CLIP2: variants seen among roughly 807,000 people sequenced by gnomAD.
The protein encoded by CLIP2 is CAP-Gly domain containing linker protein 2.
A neutral mutation model predicts 111.7 loss-of-function variants in CLIP2; 41 were observed. The observed-to-expected ratio is 0.37, with a 90% confidence interval of 0.29 to 0.48. The LOEUF (loss-of-function observed/expected upper bound fraction) is 0.48. Ranked by LOEUF, CLIP2 falls within the 20% of genes least tolerant of loss-of-function variation. The pLI, the probability that CLIP2 is intolerant of heterozygous loss-of-function variation, is 0.99. For synonymous variants in CLIP2, 660 were observed against 644.2 expected (o/e 1.02, Z -0.37); for missense variants, 1,160 against 1,422.1 (o/e 0.82, Z 2.96).
intron 7 of CLIP2, among the ~76,000 whole-genome samples, chr7:74,361,325 C>A (rs1790327643): frequency 6.6e-6 from 1 of 150,760 alleles, no homozygotes. Context: ...TCAAGCAATT[C>A]TCCTCCCTCA....
intron 3 of CLIP2, among the ~76,000 whole-genome samples, chr7:74,353,466 G>A (rs939637875): frequency 2.0e-5 from 3 of 152,104 alleles, no homozygotes; most frequent in Non-Finnish European, 4.4e-5. Flanking sequence ...GGGCAGGCTG[G>A]TCTTGAACTC....
intron 13 of CLIP2, among the ~76,000 whole-genome samples, chr7:74,390,099 AAAAGAAAG>A (rs782212797): frequency 1.4e-5 from 2 of 146,676 alleles, no homozygotes; most frequent in South Asian, 2.1e-4. Context: ...TTAAAAAAAA[AAAAGAAAG>A]AAAGAAAGAA....
chr7:74,366,928 A>G (rs1470657481), intron 8 of CLIP2, among the ~76,000 whole-genome samples: 2 of 149,874 alleles, frequency 1.3e-5, no homozygotes, highest in African/African-American at 2.4e-5. Context: ...TGGAGAATCT[A>G]TTCCAATCTA....
At chr7:74,396,794 T>TA (rs1791461321) in intron 13 of CLIP2, among the ~76,000 whole-genome samples, 1 of 152,162 alleles carries the variant, frequency 6.6e-6, no homozygotes, top group Non-Finnish European at 1.5e-5. Flanking sequence ...GTGCTGGGAT[T>TA]ACAGGCGTGA....
intron 13 of CLIP2, among the ~76,000 whole-genome samples, chr7:74,392,562 C>T (rs917653612): frequency 9.2e-5 from 14 of 151,832 alleles, no homozygotes; most frequent in African/African-American, 3.1e-4. Flanking sequence ...GGTGGCTGCT[C>T]ACGCCTGTAA....
chr7:74,350,522 A>C (rs1188530664), intron 3 of CLIP2, among the ~76,000 whole-genome samples: 1 of 152,060 alleles, frequency 6.6e-6, no homozygotes, highest in Non-Finnish European at 1.5e-5. Flanking sequence ...TATGTTTTAA[A>C]ATGGTTAAAA....
intron 3 of CLIP2, among the ~76,000 whole-genome samples, chr7:74,345,303 C>T (rs1305063177): frequency 1.3e-5 from 2 of 151,926 alleles, no homozygotes; most frequent in Non-Finnish European, 2.9e-5. Context: ...GGCGCGATCT[C>T]GACTAACTGA....
chr7:74,392,597 C>G (rs1288930719), intron 13 of CLIP2, among the ~76,000 whole-genome samples: 2 of 151,978 alleles, frequency 1.3e-5, no homozygotes, highest in African/African-American at 2.4e-5. Flanking sequence ...GAGGCCGAGG[C>G]AGGTAGATCA....
At chr7:74,312,258 ATAAT>A (rs1788660008) in intron 1 of CLIP2, among the ~76,000 whole-genome samples, 1 of 152,094 alleles carries the variant, frequency 6.6e-6, no homozygotes, top group Admixed American at 6.6e-5. Context: ...AATAAATAAA[ATAAT>A]GAAAGTTTGT....
At chr7:74,395,349 G>A (rs1791417387) in intron 13 of CLIP2, among the ~76,000 whole-genome samples, 1 of 152,018 alleles carries the variant, frequency 6.6e-6, no homozygotes, top group African/African-American at 2.4e-5. Context: ...AGTAGAGATG[G>A]GGTTTCACCA....
chr7:74,374,330 A>G (rs1239785883), intron 9 of CLIP2, among the ~76,000 whole-genome samples: 2 of 152,222 alleles, frequency 1.3e-5, no homozygotes, highest in African/African-American at 4.8e-5. Context: ...CATGTGCATG[A>G]AGACTGAACG....
intron 11 of CLIP2, chr7:74,386,288 C>T (rs1791097107): frequency 1.1e-5 from 4 of 360,128 alleles, no homozygotes; most frequent in South Asian, 8.8e-5. Flanking sequence ...GATCCGCCGG[C>T]CTCGGCCTCC....
intron 2 of CLIP2, among the ~76,000 whole-genome samples, chr7:74,331,528 CTTTTCTTTTCG>C (rs1789278285): frequency 1.4e-5 from 2 of 142,772 alleles, no homozygotes; most frequent in African/African-American, 5.3e-5. Context: ...TTCTTTCTTT[CTTTTCTTTTCG>C]TTTTCTTTTT....
At chr7:74,378,924 C>A (rs1790867059) in intron 10 of CLIP2, among the ~76,000 whole-genome samples, 1 of 152,194 alleles carries the variant, frequency 6.6e-6, no homozygotes, top group Non-Finnish European at 1.5e-5. Context: ...AGCAAGTGCT[C>A]TTCCAGGATC....
In CLIP2 at chr7:74,380,843, G is replaced by A; in HGVS notation, c.2459G>A (p.Arg820Lys). 10 of 1,613,364 alleles carry A rather than the reference G, an allele frequency of 6.2e-6. No individual in the cohort carries two copies. Among genetic ancestry groups the A allele is most frequent in the Non-Finnish European group, 7.6e-6 (9 of 1,179,444 alleles). Reference protein sequence around the residue: ...ESNDISEETIRTKETVEGLQD... With the variant: ...ESNDISEETIKTKETVEGLQD... The stretch of plus-strand genomic sequence containing the variant: ...AATGACATTTCAGAGGAGACGATCA[G>A]GACGAAGGAAACTGTGGAGGGTGAG... The change falls in exon 11 of 17, where the codon AGG (arginine) becomes AAG (lysine). Residue 820 changes from arginine (R) to lysine (K), a missense_variant. By Grantham distance (26) the Arg-to-Lys change is conservative. Transcript: ENST00000223398.
intron 1 of CLIP2, among the ~76,000 whole-genome samples, chr7:74,306,936 C>T (rs1788506383): frequency 6.6e-6 from 1 of 152,228 alleles, no homozygotes; most frequent in Admixed American, 6.5e-5. Flanking sequence ...TCCCCGCCTC[C>T]CACGTCGGCC....
chr7:74,336,412 C>T (rs1040517486), intron 2 of CLIP2, among the ~76,000 whole-genome samples: 1 of 151,980 alleles, frequency 6.6e-6, no homozygotes, highest in Non-Finnish European at 1.5e-5. Flanking sequence ...AATGGACTCA[C>T]AGTTCCATGT....
chr7:74,300,895 A>G lies in CLIP2; in HGVS notation c.-68+11161A>G, dbSNP rs149950081. Among the ~76,000 whole-genome samples the G allele has an allele frequency of 1.1e-3, 160 of 152,288 alleles. 1 individual carries two copies. Among genetic ancestry groups the G allele is most frequent in the Non-Finnish European group, 1.9e-3 (126 of 68,038 alleles). On this transcript the variant is annotated intron_variant, in intron 1 of 16. Transcript: ENST00000223398. Reference sequence around the variant, plus strand: ...TGAATTGTGCTGTGATCAACATACCAGTGCTGGTATCCTTTGGATAGAATG... The same window carrying G: ...TGAATTGTGCTGTGATCAACATACCGGTGCTGGTATCCTTTGGATAGAATG...
At position 74,376,674 on chromosome 7, in the gene CLIP2, T is replaced by G. The variant is rs782747160; in HGVS notation, c.2273T>G (p.Leu758Arg). 2.5e-6 allele frequency: 4 copies of G among 1,613,162 alleles called. No individual in the cohort carries two copies. The African/African-American group carries it at 5.3e-5, about 22-fold the overall frequency. Residue 758 changes from leucine to arginine, a missense_variant, in exon 10 of 17, where the codon CTG becomes CGG. Around this residue, in one of 5 missense-constraint regions of CLIP2, gnomAD observed 676 missense variants for 777.8 expected, o/e 0.87. Coordinates refer to ENST00000223398, the MANE Select transcript of CLIP2 (RefSeq NM_003388.5). This position sits in a 1 kb window ranked among gnomAD's most constrained non-coding sequence, Gnocchi z 7.1. ...AIEFLKEQIS[L>R]AEKKMLDYER... ...GAGTTCCTCAAGGAGCAGATCTCGC[T>G]GGCCGAGAAGAAGATGTTGGACTAC...
Sources: gnomAD v4.1 joint callset for allele counts (sites outside exome capture counted in the v4.1 genomes callset) on GRCh38, gnomAD v4.1.1 for gene constraint, gnomAD v4.1.1 regional missense constraint, Gnocchi (gnomAD v3.1) non-coding constraint, MANE v1.5 for transcripts, NCBI Gene and HGNC (gene_info 2026-07-23, HGNC 2026-07-21) for gene names.